DMD: variants seen among roughly 807,000 people sequenced by gnomAD.
The protein encoded by DMD is dystrophin.
Under a neutral mutation model 330.1 loss-of-function variants are expected in DMD, and 63 were observed. That is an observed-to-expected ratio of 0.19 (90% confidence interval 0.16 to 0.24). The LOEUF (loss-of-function observed/expected upper bound fraction) is 0.24, where lower values mean the gene tolerates loss of function less well. Among genes scored for constraint, DMD ranks in the 10% least tolerant of loss-of-function variants. The pLI is 1.00. For synonymous variants in DMD, 1,223 were observed against 959.8 expected (o/e 1.27, Z -5.07); for missense variants, 3,344 against 2,684.1 (o/e 1.25, Z -5.43).
rs561986393 is a variant in DMD, at chrX:32,983,528, TACACACACACACACAC to T, written c.93+36595_93+36610del. Among the ~76,000 whole-genome samples, 407 of 73,558 alleles carry T rather than the reference TACACACACACACACAC, an allele frequency of 5.5e-3. 2 individuals are homozygous for T. The highest frequency in any genetic ancestry group is 7.5e-3 in the Non-Finnish European group (293 of 39,112). 63.9% of individuals were successfully genotyped at this position (73,558 alleles called of 115,157 possible). On this transcript the variant is annotated intron_variant, in intron 2 of 78. Coordinates refer to ENST00000357033, the MANE Select transcript of DMD (RefSeq NM_004006.3). The stretch of plus-strand genomic sequence containing the variant: ...TGTGATGAAACTGTACAGAACTAAA[TACACACACACACACAC>T]ACACACACACACACACACACACACA...
At chrX:31,481,398 C>T (rs1235083432) in intron 57 of DMD, among the ~76,000 whole-genome samples, 3 of 111,494 alleles carry the variant, frequency 2.7e-5, no homozygotes, top group Non-Finnish European at 5.7e-5. Context: ...GAATTCAGTG[C>T]AAGATTATGA....
At chrX:32,116,028 T>C (rs2096609151) in intron 44 of DMD, among the ~76,000 whole-genome samples, 1 of 112,037 alleles carries the variant, frequency 8.9e-6, no homozygotes, top group African/African-American at 3.3e-5. Flanking sequence ...CTGTCAAAAT[T>C]ATGAAAGAGT....
intron 18 of DMD, among the ~76,000 whole-genome samples, chrX:32,507,696 AAAC>A (rs2044769368): frequency 9.0e-6 from 1 of 111,704 alleles, no homozygotes; most frequent in Non-Finnish European, 1.9e-5. Context: ...AAAATTTTGA[AAAC>A]AATGCAATAG....
chrX:32,541,517 G>T (rs947176518), intron 17 of DMD, among the ~76,000 whole-genome samples: 1 of 112,280 alleles, frequency 8.9e-6, no homozygotes, highest in African/African-American at 3.2e-5. Context: ...CAAGTAATTT[G>T]CCTGCGCTCA....
chrX:33,285,150 G>A (rs1218790413), intron 1 of DMD, among the ~76,000 whole-genome samples: 3 of 111,366 alleles, frequency 2.7e-5, no homozygotes, highest in Non-Finnish European at 5.7e-5. Context: ...AATTTACACT[G>A]GTATTTTGTC....
chrX:33,123,170 T>C (rs934034933), intron 1 of DMD, among the ~76,000 whole-genome samples: 1 of 111,948 alleles, frequency 8.9e-6, no homozygotes, highest in Admixed American at 9.5e-5. Context: ...CCATACAACC[T>C]AGGTCTGCAC....
At chrX:32,732,275 T>G (rs1156687521) in intron 7 of DMD, among the ~76,000 whole-genome samples, 4 of 111,020 alleles carry the variant, frequency 3.6e-5, no homozygotes, top group Middle Eastern at 4.6e-3. Context: ...AAAGACCAAA[T>G]CTACGTCTGA....
rs966561912 is a variant in DMD at position 32,469,426 on chromosome X, T to C, written c.2950-716A>G. On this transcript the variant is annotated intron_variant, in intron 22 of 78. Coordinates refer to ENST00000357033, the MANE Select transcript of DMD (RefSeq NM_004006.3). ...TTATATAAATTTTCAATTTGTTCTA[T>C]GTATAGCTAAATATTAAATATATGA... Among the ~76,000 whole-genome samples, 18 of 110,914 alleles carry C rather than the reference T, an allele frequency of 1.6e-4. No individual in the cohort carries two copies. In the East Asian group the frequency reaches 4.9e-3, roughly 30 times the overall value.
At chrX:31,366,747 GTAA>G (rs1485046058) in intron 60 of DMD, among the ~76,000 whole-genome samples, 1 of 108,996 alleles carries the variant, frequency 9.2e-6, no homozygotes, top group Non-Finnish European at 1.9e-5. Context: ...TTTAATTTGT[GTAA>G]TAATCACTGT....
chrX:32,643,035 C>G (rs760066941), intron 11 of DMD, among the ~76,000 whole-genome samples: 3 of 111,074 alleles, frequency 2.7e-5, no homozygotes, highest in Non-Finnish European at 3.8e-5. Flanking sequence ...ATTAGTGGAC[C>G]TGGTAAACAC....
chrX:31,333,304 T>A (rs2057235421), intron 61 of DMD, among the ~76,000 whole-genome samples: 1 of 110,458 alleles, frequency 9.1e-6, no homozygotes, highest in Admixed American at 9.6e-5. Context: ...AGCTTACTAT[T>A]TTTTTTCCTA....
intron 45 of DMD, among the ~76,000 whole-genome samples, chrX:31,935,158 AC>A (rs1280581198): frequency 2.7e-5 from 3 of 111,379 alleles, no homozygotes; most frequent in Admixed American, 9.6e-5. Flanking sequence ...CTTGGAGTCT[AC>A]ATACTTACTC....
chrX:31,725,465 C>T (rs753553676), intron 52 of DMD, among the ~76,000 whole-genome samples: 2 of 111,319 alleles, frequency 1.8e-5, no homozygotes, highest in Non-Finnish European at 3.8e-5. Flanking sequence ...TCAAAGCACC[C>T]CAATAGATTA....
chrX:31,599,801 T>C (rs2077263557), intron 55 of DMD, among the ~76,000 whole-genome samples: 1 of 112,387 alleles, frequency 8.9e-6, no homozygotes, highest in Admixed American at 9.4e-5. Context: ...GTACTATGTG[T>C]TCATAATAAA....
chrX:32,418,770 G>A (rs183058484), intron 29 of DMD, among the ~76,000 whole-genome samples: 4,477 of 107,664 alleles, frequency 0.042, 206 homozygotes, highest in African/African-American at 0.14. Context: ...TCAGGAGATC[G>A]AAACCATCCT....
At chrX:31,321,607 A>AAAAAAAAAAAAAAAAAAAAAAAAAGAAAG (rs1388525572) in intron 62 of DMD, among the ~76,000 whole-genome samples, 10 of 89,273 alleles carry the variant, frequency 1.1e-4, no homozygotes, top group African/African-American at 5.3e-4. Context: ...AAAAAAAAAA[A>AAAAAAAAAAAAAAAAAAAAAAAAAGAAAG]AAAGAAAGAA....
intron 15 of DMD, among the ~76,000 whole-genome samples, chrX:32,566,544 G>C (rs1057140459): frequency 8.9e-6 from 1 of 112,325 alleles, no homozygotes; most frequent in Non-Finnish European, 1.9e-5. Context: ...AGCCCATTAA[G>C]TAAAAGAACT....
At chrX:32,730,871 G>C (rs1370009799) in intron 7 of DMD, among the ~76,000 whole-genome samples, 1 of 111,895 alleles carries the variant, frequency 8.9e-6, no homozygotes, top group Non-Finnish European at 1.9e-5. Flanking sequence ...ATTAAAACTT[G>C]AAATATTGGA....
At chrX:32,094,916 G>A in intron 44 of DMD, among the ~76,000 whole-genome samples, 1 of 111,546 alleles carries the variant, frequency 9.0e-6, no homozygotes, top group Non-Finnish European at 1.9e-5. Flanking sequence ...AGGTGTGGCA[G>A]GTCTTCAAGG....
Sources: allele counts gnomAD v4.1 joint callset (sites outside exome capture counted in the v4.1 genomes callset), GRCh38; gene constraint gnomAD v4.1.1; transcripts MANE v1.5; gene names NCBI Gene and HGNC (gene_info 2026-07-23, HGNC 2026-07-21).